Variants in TSPAN11 observed in about 807,000 individuals in gnomAD.
The protein encoded by TSPAN11 is tetraspanin-11.
Under a neutral mutation model 32.9 loss-of-function variants are expected in TSPAN11, and 29 were observed. That is an observed-to-expected ratio of 0.88 (90% confidence interval 0.66 to 1.20). The LOEUF (loss-of-function observed/expected upper bound fraction) is 1.20. Ranked by LOEUF, TSPAN11 falls within the 50% of genes most tolerant of loss-of-function variation. TSPAN11 has a pLI of 0.00. For missense variants in TSPAN11, 283 were observed against 329.1 expected, an observed-to-expected ratio of 0.86 and a Z score of 1.08; for synonymous variants, 140 against 141.3, an observed-to-expected ratio of 0.99 and a Z score of 0.07.
intron 7 of TSPAN11, among the ~76,000 whole-genome samples, chr12:30,991,490 C>A (rs1267289620): frequency 6.6e-6 from 1 of 152,198 alleles, no homozygotes; most frequent in East Asian, 1.9e-4. Context: ...GATCTAGGAC[C>A]ACAGACCAGC....
chr12:30,967,606 G>C (rs1300828978), intron 3 of TSPAN11, among the ~76,000 whole-genome samples: 1 of 147,468 alleles, frequency 6.8e-6, no homozygotes, highest in Non-Finnish European at 1.5e-5. Context: ...TCACTAAACA[G>C]ACACATCAAG....
chr12:30,991,788 G>T, intron 7 of TSPAN11, 68 bp from the exon 8 acceptor site: 1 of 1,564,666 alleles, frequency 6.4e-7, no homozygotes, highest in Non-Finnish European at 8.8e-7. Flanking sequence ...CTGCTCCAGG[G>T]CCCTGAGGGC....
At chr12:30,959,643 G>C (rs920606808) in intron 2 of TSPAN11, among the ~76,000 whole-genome samples, 4 of 152,074 alleles carry the variant, frequency 2.6e-5, no homozygotes, top group African/African-American at 9.7e-5. Context: ...AGCCAGGCGT[G>C]GTGGCGCGTG....
chr12:30,983,611 G>A (rs892720944), intron 7 of TSPAN11, among the ~76,000 whole-genome samples: 7 of 152,128 alleles, frequency 4.6e-5, no homozygotes, highest in Non-Finnish European at 1.0e-4. Flanking sequence ...ATGTGTGTTT[G>A]TGTGTGTGTA....
chr12:31,007,681 G>C, the TSPAN11 span, among the ~76,000 whole-genome samples: 1 of 152,076 alleles, frequency 6.6e-6, no homozygotes. Context: ...CTGTGGGCCA[G>C]GGCCAGGCCC....
In TSPAN11 at chr12:30,994,395, G is replaced by A. The variant is rs1336228169; in HGVS notation, c.*2480G>A. The A allele has an allele frequency of 1.3e-5, 2 of 152,232 alleles. No individual in the cohort carries two copies. The highest frequency in any genetic ancestry group is 2.4e-5 in the African/African-American group (1 of 41,440). The allele number at this position is 152,232 out of a possible 1,614,324, so 9.4% of individuals were successfully genotyped here. On this transcript the variant is annotated 3_prime_UTR_variant, in exon 8 of 8. Transcript: ENST00000546076. Reference sequence around the variant, plus strand: ...CACCTTCAGTCCCGTGCAGGCAAAAGGCCCCTGCACACCAGGGCCCTAGGA... The same window carrying A: ...CACCTTCAGTCCCGTGCAGGCAAAAAGCCCCTGCACACCAGGGCCCTAGGA...
At chr12:30,954,349 C>A (rs1938441270) in intron 2 of TSPAN11, 1 of 444,498 alleles carries the variant, frequency 2.2e-6, no homozygotes, top group Admixed American at 3.9e-5. Context: ...TCTAGCCCTG[C>A]TGTACAAAGG....
At chr12:30,985,411 C>A (rs904763548) in intron 7 of TSPAN11, among the ~76,000 whole-genome samples, 2 of 152,156 alleles carry the variant, frequency 1.3e-5, no homozygotes, top group Non-Finnish European at 2.9e-5. Flanking sequence ...TCTAGCTGTT[C>A]CTTGGCCAGA....
intron 7 of TSPAN11, among the ~76,000 whole-genome samples, chr12:30,991,650 C>G (rs969812590): frequency 6.6e-6 from 1 of 152,180 alleles, no homozygotes. Context: ...GTGGTTCCCC[C>G]AGGCACACCA....
intron 2 of TSPAN11, among the ~76,000 whole-genome samples, chr12:30,960,990 G>A (rs913252103): frequency 2.7e-5 from 4 of 146,328 alleles, no homozygotes; most frequent in South Asian, 2.1e-4. Context: ...AGTGAGCCAA[G>A]ATCGCACCAC....
downstream of TSPAN11, among the ~76,000 whole-genome samples, chr12:30,997,956 G>C (rs536405443): frequency 2.1e-4 from 32 of 152,360 alleles, no homozygotes; most frequent in African/African-American, 7.7e-4. Flanking sequence ...TCAAGGTCCA[G>C]TTGTCCACTG....
chr12:30,985,234 T>C (rs1393759454), intron 7 of TSPAN11, among the ~76,000 whole-genome samples: 1 of 152,012 alleles, frequency 6.6e-6, no homozygotes, highest in Non-Finnish European at 1.5e-5. Flanking sequence ...AGTTACTCAT[T>C]TGTAAAATGG....
chr12:30,935,071 C>A (rs1001394240), intron 1 of TSPAN11, among the ~76,000 whole-genome samples: 14 of 152,152 alleles, frequency 9.2e-5, no homozygotes, highest in Non-Finnish European at 2.9e-5. Flanking sequence ...CTGCCCCTCT[C>A]CTGTGATCCA....
Position 30,991,884 on chromosome 12 carries a change from T to A in TSPAN11, c.731T>A (p.Leu244Ter). ...QICGMVLTCC[L>*]HQRLQRHFY ...TGCGGGATGGTTCTCACCTGCTGCT[T>A]GCACCAGAGGCTCCAGCGGCATTTT... Residue 244 changes from leucine (L) to a stop codon, truncating the protein, a stop_gained, in exon 8 of 8, where the codon TTG becomes TAG. Coordinates refer to ENST00000546076, the MANE Select transcript of TSPAN11 (RefSeq NM_001370302.1). LOFTEE classifies it high-confidence loss of function. 1 of 1,614,160 alleles carries A rather than the reference T, an allele frequency of 6.2e-7. No homozygotes were observed. Among genetic ancestry groups the A allele is most frequent in the Non-Finnish European group, 8.5e-7 (1 of 1,180,016 alleles).
intron 1 of TSPAN11, chr12:30,927,024 G>A (rs1369612525): frequency 5.4e-6 from 7 of 1,284,820 alleles, no homozygotes; most frequent in Non-Finnish European, 7.1e-6. Context: ...GTCTGCATGG[G>A]ACACGCAACA....
Position 30,965,706 on chromosome 12 carries a change from G to A in TSPAN11, c.276+1689G>A, listed in dbSNP as rs1938716807. On this transcript the variant is annotated intron_variant, in intron 3 of 7. Coordinates refer to ENST00000546076, the MANE Select transcript of TSPAN11 (RefSeq NM_001370302.1). ...ACATTCATGCACATCAACTCACTCA[G>A]TCCTCGCCCTGCCCCAAAGAGCAGC... Among the ~76,000 whole-genome samples, 3 of 152,322 alleles carry A rather than the reference G, an allele frequency of 2.0e-5. No homozygotes were observed. In the South Asian group the frequency reaches 6.2e-4, roughly 32 times the overall value.
At chr12:31,002,559 C>T in the TSPAN11 span, among the ~76,000 whole-genome samples, 1 of 152,270 alleles carries the variant, frequency 6.6e-6, no homozygotes, top group South Asian at 2.1e-4. This position sits in a 1 kb window ranked among gnomAD's most constrained non-coding sequence, Gnocchi z 4.8. Context: ...CCCGCCTCCT[C>T]AGAGTGCCCG....
rs73088032 is a variant in TSPAN11 at position 30,935,717 on chromosome 12, T to C, written c.-12+8921T>C. 1.3e-3 allele frequency among the ~76,000 whole-genome samples: 193 copies of C among 152,340 alleles called. 1 individual carries two copies. Among genetic ancestry groups the C allele is most frequent in the Middle Eastern group, 3.4e-3 (1 of 294 alleles). The stretch of plus-strand genomic sequence containing the variant: ...CCATTGTGTGAAAATTAAAACCCTG[T>C]GCTCTTAGTGCTGAGAGGCAGTGAT... On this transcript the variant is annotated intron_variant, in intron 1 of 7. Coordinates refer to ENST00000546076, the MANE Select transcript of TSPAN11 (RefSeq NM_001370302.1).
the TSPAN11 span, among the ~76,000 whole-genome samples, chr12:31,016,247 C>A: frequency 2.0e-5 from 3 of 152,068 alleles, no homozygotes; most frequent in South Asian, 2.1e-4. Context: ...GGGATGGGGA[C>A]GCAAGGCGGG....
Sources: allele counts gnomAD v4.1 joint callset (sites outside exome capture counted in the v4.1 genomes callset), GRCh38; gene constraint gnomAD v4.1.1; non-coding constraint Gnocchi (gnomAD v3.1); transcripts MANE v1.5; gene names NCBI Gene and HGNC (gene_info 2026-07-23, HGNC 2026-07-21).